The following ASPH variants were observed in gnomAD, a reference collection of about 807,000 sequenced individuals.
The protein encoded by ASPH is aspartyl/asparaginyl beta-hydroxylase.
Under a neutral mutation model 118.4 loss-of-function variants are expected in ASPH, and 100 were observed. That is an observed-to-expected ratio of 0.84 (90% CI 0.72 to 1.00). The LOEUF is 1.00. Ranked by LOEUF, ASPH falls within the 50% of genes least tolerant of loss-of-function variation. The pLI, the probability that ASPH is intolerant of heterozygous loss-of-function variation, is 0.00. For missense variants in ASPH, 920 were observed against 919.5 expected (o/e 1.00, Z -0.01); for synonymous variants, 315 against 325.6 (o/e 0.97, Z 0.35).
chr8:61,644,286 C>T (rs928242331), intron 7 of ASPH, among the ~76,000 whole-genome samples: 6 of 152,192 alleles, frequency 3.9e-5, no homozygotes, highest in Non-Finnish European at 8.8e-5. Flanking sequence ...CCTTTAAGGG[C>T]GCTGGCATGT....
rs145124197 is a variant in ASPH, at chr8:61,575,904, C to T, written c.1149+868G>A. 9.5e-4 allele frequency among the ~76,000 whole-genome samples: 145 copies of T among 152,222 alleles called. No individual in the cohort carries two copies. The East Asian group carries it at 0.018, about 19-fold the overall frequency. On this transcript the variant is annotated intron_variant, in intron 16 of 24. Transcript: ENST00000379454. ...TACCACCTCTGTAGGCAAAAGGTAC[C>T]ACCGCTGTAGGCTGAAATTATTCAA...
intron 16 of ASPH, among the ~76,000 whole-genome samples, chr8:61,571,534 A>ATT (rs201824698): frequency 0.01 from 1,598 of 152,222 alleles, 22 homozygotes; most frequent in African/African-American, 0.037. Context: ...ATATTGTATC[A>ATT]TTTTTATTCG....
intron 3 of ASPH, among the ~76,000 whole-genome samples, chr8:61,655,942 AAC>A (rs1813457764): frequency 6.6e-6 from 1 of 152,224 alleles, no homozygotes; most frequent in African/African-American, 2.4e-5. Flanking sequence ...ACTTAACAAA[AAC>A]ACATTCTAGA....
chr8:61,631,774 G>A (rs1222453795), intron 13 of ASPH: 1 of 152,234 alleles, frequency 6.6e-6, no homozygotes, highest in Non-Finnish European at 1.5e-5. Flanking sequence ...TCAGAATGTA[G>A]CTTCTCTTGA....
At chr8:61,637,756 G>A (rs941825782) in intron 12 of ASPH, among the ~76,000 whole-genome samples, 191 bp downstream of exon 12, 11 of 152,088 alleles carry the variant, frequency 7.2e-5, no homozygotes, top group Admixed American at 4.6e-4. Flanking sequence ...CCTTAATTCC[G>A]TTATTTATTA....
At chr8:61,613,930 C>T (rs548436724) in intron 14 of ASPH, among the ~76,000 whole-genome samples, 3 of 152,250 alleles carry the variant, frequency 2.0e-5, no homozygotes, top group South Asian at 2.1e-4. Flanking sequence ...TTATTAGCTA[C>T]GTCTGTTCTA....
At chr8:61,710,583 A>G (rs749316353) in intron 1 of ASPH, among the ~76,000 whole-genome samples, 1 of 152,250 alleles carries the variant, frequency 6.6e-6, no homozygotes, top group Non-Finnish European at 1.5e-5. Context: ...AACATTATTT[A>G]GTGCTTGGTT....
chr8:61,599,816 T>C (rs186799201), intron 14 of ASPH, among the ~76,000 whole-genome samples: 1 of 152,278 alleles, frequency 6.6e-6, no homozygotes, highest in East Asian at 1.9e-4. Flanking sequence ...AGCATTACTG[T>C]TGAATTTCAC....
intron 18 of ASPH, among the ~76,000 whole-genome samples, chr8:61,562,387 G>GTCTC (rs200663589): frequency 1.0e-5 from 1 of 99,508 alleles, no homozygotes; most frequent in African/African-American, 3.9e-5. Flanking sequence ...AGGAAAGTGT[G>GTCTC]TCTGTGTGTG....
rs117534024 is a variant in ASPH at position 61,644,937 on chromosome 8, T to A, written c.620-305A>T. 1.2e-3 allele frequency among the ~76,000 whole-genome samples: 181 copies of A among 152,270 alleles called. 5 individuals are homozygous for A. The East Asian group carries it at 0.03, about 25-fold the overall frequency. On this transcript the variant is annotated intron_variant, in intron 6 of 24. Coordinates refer to ENST00000379454, the MANE Select transcript of ASPH (RefSeq NM_004318.4). The stretch of plus-strand genomic sequence containing the variant: ...GACCAGGAAAGCCGTTCATTTCTAA[T>A]CCACTTCACAACCCACTAGAATGTG...
At chr8:61,600,901 T>C (rs1039322663) in intron 14 of ASPH, among the ~76,000 whole-genome samples, 2 of 151,266 alleles carry the variant, frequency 1.3e-5, no homozygotes, top group Admixed American at 1.3e-4. Flanking sequence ...GAAAATGGCA[T>C]ATCATTCTAA....
intron 16 of ASPH, among the ~76,000 whole-genome samples, chr8:61,569,951 T>TA (rs1330153316): frequency 6.6e-6 from 1 of 151,708 alleles, no homozygotes. Flanking sequence ...TTATAGTGAG[T>TA]TAACTCCCCA....
intron 2 of ASPH, among the ~76,000 whole-genome samples, chr8:61,682,061 C>A (rs987401230): frequency 6.6e-6 from 1 of 151,946 alleles, no homozygotes; most frequent in Non-Finnish European, 1.5e-5. Flanking sequence ...GAAGAACAGG[C>A]AGAAATTTTG....
intron 1 of ASPH, among the ~76,000 whole-genome samples, chr8:61,701,991 A>C (rs1835344069): frequency 6.6e-6 from 1 of 152,354 alleles, no homozygotes; most frequent in Admixed American, 6.5e-5. Flanking sequence ...CTAGACATAC[A>C]ATAGCTATAT....
At chr8:61,678,756 C>A (rs753152988) in intron 3 of ASPH, among the ~76,000 whole-genome samples, 9 of 152,142 alleles carry the variant, frequency 5.9e-5, no homozygotes, top group Non-Finnish European at 8.8e-5. Flanking sequence ...CTACCCTCCT[C>A]CTTCCCCTTG....
At position 61,567,636 on chromosome 8, in the gene ASPH, C is replaced by T. The variant is rs537481298; in HGVS notation, c.1150-318G>A. Among the ~76,000 whole-genome samples the T allele has an allele frequency of 5.9e-5, 9 of 152,280 alleles. No homozygotes were observed. The South Asian group carries it at 1.5e-3, about 25-fold the overall frequency. ...TATAGGCAGGTCTCCAGCCCAAGTTCCCGTTCTTTCATTAATTTATTCGTG... is the reference window on the plus strand; with the variant it reads ...TATAGGCAGGTCTCCAGCCCAAGTTTCCGTTCTTTCATTAATTTATTCGTG... On this transcript the variant is annotated intron_variant, in intron 16 of 24. Coordinates refer to ENST00000379454, the MANE Select transcript of ASPH (RefSeq NM_004318.4).
chr8:61,524,047 C>T (rs890997737), intron 22 of ASPH, among the ~76,000 whole-genome samples: 9 of 152,174 alleles, frequency 5.9e-5, no homozygotes, highest in African/African-American at 1.7e-4. Flanking sequence ...CACCATTGCA[C>T]GCCAACCTGG....
intron 3 of ASPH, chr8:61,665,514 T>C: frequency 1.3e-6 from 2 of 1,567,600 alleles, no homozygotes. Context: ...ACATCCTCTT[T>C]CTTCCCCTTT....
At chr8:61,592,248 G>A (rs566754279) in intron 14 of ASPH, among the ~76,000 whole-genome samples, 2 of 152,340 alleles carry the variant, frequency 1.3e-5, no homozygotes, top group South Asian at 4.1e-4. Flanking sequence ...TTCATCTACA[G>A]TATCTTATTT....
Sources: gnomAD v4.1 joint callset for allele counts (sites outside exome capture counted in the v4.1 genomes callset) on GRCh38, gnomAD v4.1.1 for gene constraint, MANE v1.5 for transcripts, NCBI Gene and HGNC (gene_info 2026-07-23, HGNC 2026-07-21) for gene names.